OPN3: variants seen among roughly 807,000 people sequenced by gnomAD.
OPN3 encodes opsin 3.
Under a neutral mutation model 33.8 loss-of-function variants are expected in OPN3, and 29 were observed. The observed-to-expected ratio is 0.86, with a 90% confidence interval of 0.64 to 1.17. The LOEUF (loss-of-function observed/expected upper bound fraction) is 1.17. Among genes scored for constraint, OPN3 ranks in the 50% most tolerant of loss-of-function variants. The pLI is 0.00. For synonymous variants in OPN3, 216 were observed against 216.1 expected (o/e 1.00, Z 0.00); for missense variants, 437 against 514.1 (o/e 0.85, Z 1.45).
rs1275192571 is a variant in OPN3, at chr1:241,640,336, G to A, written c.-82C>T. The A allele has an allele frequency of 1.9e-6, 2 of 1,069,460 alleles. No individual in the cohort carries two copies. The highest frequency in any genetic ancestry group is 2.3e-6 in the Non-Finnish European group (2 of 887,288). 66.2% of individuals were successfully genotyped at this position (1,069,460 alleles called of 1,614,324 possible). On this transcript the variant is annotated 5_prime_UTR_variant, in exon 1 of 4. Transcript: ENST00000366554. ...GGCGCGCTCCGCACTGGGTGGGGTT[G>A]GGGCTCCGCCGCCTGCTCTAGCCAT...
At chr1:241,637,169 T>C (rs1664930113) in intron 1 of OPN3, among the ~76,000 whole-genome samples, 1 of 152,330 alleles carries the variant, frequency 6.6e-6, no homozygotes, top group East Asian at 1.9e-4. Context: ...GCTCTGGTTT[T>C]CACTACTGTT....
intron 1 of OPN3, chr1:241,634,534 G>T (rs368941629): frequency 5.0e-6 from 8 of 1,613,606 alleles, no homozygotes; most frequent in Non-Finnish European, 6.8e-6. Flanking sequence ...ATTCTTTGTC[G>T]ACTACAAAGC....
At position 241,634,322 on chromosome 1, in the gene OPN3, G is replaced by A. The variant is rs776835459; in HGVS notation, c.373+5560C>T. ...CCGTACAGCACAAGCTCCTGGCTCTGCTGGAGGAACTATCAGAATGGAAGT... is the reference window on the plus strand; with the variant it reads ...CCGTACAGCACAAGCTCCTGGCTCTACTGGAGGAACTATCAGAATGGAAGT... On this transcript the variant is annotated intron_variant, in intron 1 of 3. Transcript: ENST00000366554. The A allele has an allele frequency of 2.9e-5, 47 of 1,613,880 alleles. No individual in the cohort carries two copies. In the Admixed American group the frequency reaches 7.7e-4, roughly 26 times the overall value.
intron 1 of OPN3, chr1:241,634,233 A>C (rs760764453): frequency 6.2e-7 from 1 of 1,614,012 alleles, no homozygotes; most frequent in Middle Eastern, 1.6e-4. Flanking sequence ...GAAGATGAAC[A>C]TGTCAAATGT....
chr1:241,639,754 G>C (rs1456515132), intron 1 of OPN3, 128 bp downstream of exon 1: 11 of 991,236 alleles, frequency 1.1e-5, no homozygotes, highest in South Asian at 1.9e-5. Context: ...GGGCGGTGTA[G>C]GGCGGGGGGC....
chr1:241,629,839 C>T (rs558057571), intron 1 of OPN3: 140 of 152,146 alleles, frequency 9.2e-4, no homozygotes, highest in African/African-American at 3.3e-3. Context: ...TTCAGTTAAA[C>T]TTTCTACTTG....
intron 1 of OPN3, chr1:241,630,860 T>C (rs1203322246): frequency 6.6e-6 from 1 of 152,172 alleles, no homozygotes; most frequent in Non-Finnish European, 1.5e-5. Context: ...GCTGATTTAA[T>C]GGCTGTTCTG....
rs551375338 is a variant in OPN3, at chr1:241,622,160, G to C, written c.374-17581C>G. Among the ~76,000 whole-genome samples, 25 of 152,230 alleles carry C rather than the reference G, an allele frequency of 1.6e-4. No homozygotes were observed. In the South Asian group the frequency reaches 5.2e-3, roughly 32 times the overall value. On this transcript the variant is annotated intron_variant, in intron 1 of 3. Transcript: ENST00000366554. The stretch of plus-strand genomic sequence containing the variant: ...GCTTTAATTTTCTAAATGTAAAATG[G>C]AGTACTGATATATCTAACTACCTCA...
At chr1:241,615,897 C>G in intron 1 of OPN3, 1 of 456,736 alleles carries the variant, frequency 2.2e-6, no homozygotes, top group South Asian at 1.5e-5. Flanking sequence ...CATGGAGGCT[C>G]TGGCTTCCCT....
At chr1:241,606,827 G>C (rs974514092) in intron 1 of OPN3, among the ~76,000 whole-genome samples, 6 of 152,114 alleles carry the variant, frequency 3.9e-5, no homozygotes, top group African/African-American at 1.4e-4. Context: ...AAAGGGTGTG[G>C]GTGGCAAACG....
rs932430008 is a variant in OPN3, at chr1:241,633,613, A to G, written c.373+6269T>C. Reference sequence around the variant, plus strand: ...AAACAAAATGTTCAATAATCAATAAATCACTCATTGATAGGTTAACAAAGA... The same window carrying G: ...AAACAAAATGTTCAATAATCAATAAGTCACTCATTGATAGGTTAACAAAGA... On this transcript the variant is annotated intron_variant, in intron 1 of 3. Coordinates refer to ENST00000366554, the MANE Select transcript of OPN3 (RefSeq NM_014322.3). 36 of 655,386 alleles carry G rather than the reference A, an allele frequency of 5.5e-5. No individual in the cohort carries two copies. The South Asian group carries it at 7.0e-4, about 13-fold the overall frequency. The allele number at this position is 655,386 out of a possible 1,614,324, so 40.6% of individuals were successfully genotyped here. A position where few individuals can be genotyped will look rare whatever the true frequency, so the allele number is the denominator to read the frequency against.
intron 1 of OPN3, among the ~76,000 whole-genome samples, chr1:241,605,444 T>C (rs549312071): frequency 6.6e-6 from 1 of 152,318 alleles, no homozygotes; most frequent in African/African-American, 2.4e-5. Context: ...TGCATGGTCT[T>C]CACGTGTACC....
intron 1 of OPN3, chr1:241,630,873 T>G (rs1664606281): frequency 6.6e-6 from 1 of 152,136 alleles, no homozygotes; most frequent in Non-Finnish European, 1.5e-5. Flanking sequence ...CTGTTCTGCT[T>G]AACACCAGCC....
intron 2 of OPN3, among the ~76,000 whole-genome samples, chr1:241,599,172 A>G (rs1354770450): frequency 2.6e-5 from 4 of 152,116 alleles, no homozygotes; most frequent in Non-Finnish European, 5.9e-5. Context: ...AATAGGAAAA[A>G]TTTAAATCAT....
chr1:241,639,754 G>T, intron 1 of OPN3, 128 bp downstream of exon 1: 1 of 991,312 alleles, frequency 1.0e-6, no homozygotes, highest in Non-Finnish European at 1.4e-6. Context: ...GGGCGGTGTA[G>T]GGCGGGGGGC....
rs1663761294 is a variant in OPN3, at chr1:241,604,313, G to A, written c.640C>T (p.Pro214Ser). Residue 214 changes from proline to serine, a missense_variant, in exon 2 of 4, where the codon CCC (proline) becomes TCC (serine). Pro to Ser is a moderately conservative substitution (Grantham distance 74, BLOSUM62 -1). Transcript: ENST00000366554. ...LFLFLGCLVV[P>S]LGVIAHCYGH... ...TAGCAATGGGCTATGACACCCAGGG[G>A]CACCACCAGGCAGCCAAGAAATAAG... 1 of 1,614,038 alleles carries A rather than the reference G, an allele frequency of 6.2e-7. No individual in the cohort carries two copies. The highest frequency in any genetic ancestry group is 8.5e-7 in the Non-Finnish European group (1 of 1,180,014).
chr1:241,625,984 C>G (rs1558444325), intron 1 of OPN3, among the ~76,000 whole-genome samples: 1 of 152,046 alleles, frequency 6.6e-6, no homozygotes, highest in Non-Finnish European at 1.5e-5. Context: ...CAATAAAAGG[C>G]CAAACACTCT....
chr1:241,608,797 A>G (rs1250781249), intron 1 of OPN3, among the ~76,000 whole-genome samples: 2 of 152,212 alleles, frequency 1.3e-5, no homozygotes, highest in Admixed American at 6.5e-5. Context: ...ACATGTTAGT[A>G]CAGATCTAGC....
chr1:241,621,119 A>G (rs557304739), intron 1 of OPN3, among the ~76,000 whole-genome samples: 16 of 152,296 alleles, frequency 1.1e-4, no homozygotes, highest in African/African-American at 3.8e-4. Context: ...CAATATTTTA[A>G]TTCTTTAGAT....
Sources: gnomAD v4.1 joint callset for allele counts (sites outside exome capture counted in the v4.1 genomes callset) on GRCh38, gnomAD v4.1.1 for gene constraint, MANE v1.5 for transcripts, NCBI Gene and HGNC (gene_info 2026-07-23, HGNC 2026-07-21) for gene names.